Variants in DYNC1I1 observed in about 807,000 individuals in gnomAD.
DYNC1I1 encodes cytoplasmic dynein 1 intermediate chain 1.
In DYNC1I1, 43 loss-of-function variants were observed where a neutral mutation model predicts 86.6. That is an observed-to-expected ratio of 0.50 (90% CI 0.39 to 0.64). DYNC1I1 has a LOEUF of 0.64. Among genes scored for constraint, DYNC1I1 ranks in the 30% least tolerant of loss-of-function variants. DYNC1I1 has a pLI of 0.00. For synonymous variants in DYNC1I1, 262 were observed against 283.7 expected (o/e 0.92, Z 0.77); for missense variants, 604 against 788.8 (o/e 0.77, Z 2.81).
chr7:95,849,944 T>C (rs1411817911), intron 5 of DYNC1I1, among the ~76,000 whole-genome samples: 1 of 152,174 alleles, frequency 6.6e-6, no homozygotes, highest in Non-Finnish European at 1.5e-5. Flanking sequence ...CTTTGTTAGA[T>C]TTATTCCTAA....
chr7:96,043,118 G>A (rs1338221417), intron 14 of DYNC1I1, among the ~76,000 whole-genome samples: 1 of 148,378 alleles, frequency 6.7e-6, no homozygotes, highest in African/African-American at 2.5e-5. Context: ...GTAGTGAACC[G>A]AGATCGTGCC....
rs555210302 is a variant in DYNC1I1 at position 95,856,414 on chromosome 7, G to A, written c.375-13469G>A. 2.0e-4 allele frequency among the ~76,000 whole-genome samples: 31 copies of A among 152,240 alleles called. 1 individual carries two copies. The highest frequency in any genetic ancestry group is 7.2e-4 in the African/African-American group (30 of 41,548). Reference sequence around the variant, plus strand: ...ACTTTTCAGAAATATGTCGATGGCCGTTTCTTTTTTTCATCATACATTCGC... The same window carrying A: ...ACTTTTCAGAAATATGTCGATGGCCATTTCTTTTTTTCATCATACATTCGC... On this transcript the variant is annotated intron_variant, in intron 5 of 16. Coordinates refer to ENST00000447467, the MANE Select transcript of DYNC1I1 (RefSeq NM_001135556.2).
chr7:96,050,038 CAAA>C (rs78767576), intron 14 of DYNC1I1, among the ~76,000 whole-genome samples: 1 of 139,000 alleles, frequency 7.2e-6, no homozygotes, highest in African/African-American at 2.7e-5. Context: ...AACAAACAAA[CAAA>C]AAAAAAAACA....
chr7:96,026,435 G>T lies in DYNC1I1; in HGVS notation c.970-1740G>T, dbSNP rs182137594. Among the ~76,000 whole-genome samples the T allele has an allele frequency of 5.2e-3, 784 of 151,616 alleles. 3 individuals carry two copies. Among genetic ancestry groups the T allele is most frequent in the African/African-American group, 9.2e-3 (380 of 41,338 alleles). Reference sequence around the variant, plus strand: ...AAGAGGTCATAGGTTTTTTTTTGGGGTTTTTTTGTTACTACTTTGCTGGTG... The same window carrying T: ...AAGAGGTCATAGGTTTTTTTTTGGGTTTTTTTTGTTACTACTTTGCTGGTG... On this transcript the variant is annotated intron_variant, in intron 10 of 16. Transcript: ENST00000447467.
chr7:96,074,036 T>C (rs908619041), intron 14 of DYNC1I1, among the ~76,000 whole-genome samples: 9 of 152,162 alleles, frequency 5.9e-5, no homozygotes, highest in African/African-American at 2.2e-4. Context: ...ACTGCAAACA[T>C]AGTACATAAT....
chr7:96,080,568 C>T, intron 16 of DYNC1I1, 80 bp downstream of exon 16: 2 of 1,611,542 alleles, frequency 1.2e-6, no homozygotes, highest in Non-Finnish European at 8.5e-7. Flanking sequence ...TTAGCAAGAA[C>T]TTGTAGGCCA....
At chr7:95,934,083 AAAGAAGAAAATGACCAGAGTAAAC>A (rs1791975917) in intron 6 of DYNC1I1, among the ~76,000 whole-genome samples, 1 of 152,144 alleles carries the variant, frequency 6.6e-6, no homozygotes, top group Non-Finnish European at 1.5e-5. Context: ...GAACAGTGAT[AAAGAAGAAAATGACCAGAGTAAAC>A]TCTGCTGTTC....
intron 14 of DYNC1I1, among the ~76,000 whole-genome samples, chr7:96,075,828 C>T (rs1562995522): frequency 1.3e-5 from 2 of 151,872 alleles, no homozygotes; most frequent in South Asian, 2.1e-4. Context: ...CGCCTCCCCA[C>T]CCCCGGTCCC....
At chr7:96,073,417 G>A (rs1005176266) in intron 14 of DYNC1I1, among the ~76,000 whole-genome samples, 2 of 152,070 alleles carry the variant, frequency 1.3e-5, no homozygotes, top group Admixed American at 6.6e-5. Context: ...ATTTCTCAGA[G>A]AAGAAACTAC....
At chr7:95,785,480 C>T (rs961716775) in intron 1 of DYNC1I1, among the ~76,000 whole-genome samples, 10 of 151,970 alleles carry the variant, frequency 6.6e-5, no homozygotes, top group Non-Finnish European at 1.3e-4. Flanking sequence ...GACCAAGCCA[C>T]CATGCATTTA....
chr7:95,875,662 C>T (rs1479742586), intron 6 of DYNC1I1, among the ~76,000 whole-genome samples: 1 of 152,148 alleles, frequency 6.6e-6, no homozygotes, highest in Admixed American at 6.5e-5. Context: ...GGATGAGGGA[C>T]TCTGGCCTTG....
intron 10 of DYNC1I1, among the ~76,000 whole-genome samples, chr7:96,002,922 C>A (rs1256588490): frequency 1.3e-5 from 2 of 152,018 alleles, no homozygotes; most frequent in Non-Finnish European, 2.9e-5. Context: ...CAGCTCACTG[C>A]AACCTCAGAC....
intron 10 of DYNC1I1, among the ~76,000 whole-genome samples, chr7:96,012,053 T>C (rs1794288420): frequency 6.6e-6 from 1 of 152,146 alleles, no homozygotes; most frequent in Admixed American, 6.5e-5. Flanking sequence ...TTTATCTGCG[T>C]TGGTGGGAGG....
At chr7:95,783,833 A>G (rs1362419525) in intron 1 of DYNC1I1, among the ~76,000 whole-genome samples, 1 of 152,232 alleles carries the variant, frequency 6.6e-6, no homozygotes, top group Non-Finnish European at 1.5e-5. Context: ...CAATCTTGAC[A>G]AGTTAACTTT....
chr7:95,889,259 A>C (rs911331462), intron 6 of DYNC1I1, among the ~76,000 whole-genome samples: 2 of 152,176 alleles, frequency 1.3e-5, no homozygotes, highest in Non-Finnish European at 2.9e-5. Context: ...AAAATACAAA[A>C]ATTAGAAGGT....
chr7:95,788,598 G>C (rs553273579), intron 1 of DYNC1I1, among the ~76,000 whole-genome samples: 2 of 152,152 alleles, frequency 1.3e-5, no homozygotes, highest in Non-Finnish European at 2.9e-5. Flanking sequence ...TCAGTTGGTC[G>C]GGACACCTTT....
chr7:95,801,275 A>T (rs1794571575), intron 1 of DYNC1I1, among the ~76,000 whole-genome samples: 1 of 152,182 alleles, frequency 6.6e-6, no homozygotes, highest in African/African-American at 2.4e-5. Context: ...GTTTATTTTT[A>T]AAATATTGAC....
intron 14 of DYNC1I1, among the ~76,000 whole-genome samples, chr7:96,064,985 G>C (rs1241191873): frequency 6.6e-6 from 1 of 151,840 alleles, no homozygotes; most frequent in East Asian, 1.9e-4. Context: ...GATTTGCTTA[G>C]ATATTAGTGG....
intron 16 of DYNC1I1, among the ~76,000 whole-genome samples, chr7:96,107,382 G>T (rs1468971740): frequency 6.6e-6 from 1 of 151,764 alleles, no homozygotes; most frequent in Non-Finnish European, 1.5e-5. Context: ...TACTTATTAG[G>T]TTATTATATC....
Sources: gnomAD v4.1 joint callset for allele counts (sites outside exome capture counted in the v4.1 genomes callset) on GRCh38, gnomAD v4.1.1 for gene constraint, MANE v1.5 for transcripts, NCBI Gene and HGNC (gene_info 2026-07-23, HGNC 2026-07-21) for gene names.